AP3D1: variants seen among roughly 807,000 people sequenced by gnomAD.
AP3D1 encodes adaptor related protein complex 3 subunit delta 1.
A neutral mutation model predicts 147.6 loss-of-function variants in AP3D1; 51 were observed. The observed-to-expected ratio is 0.35, with a 90% CI of 0.28 to 0.44. The LOEUF is 0.44. AP3D1 is among the 20% of genes least tolerant of loss of function. The pLI is 1.00. For missense variants in AP3D1, 1,421 were observed against 1,624.2 expected (o/e 0.87, Z 2.15); for synonymous variants, 760 against 663.0 (o/e 1.15, Z -2.25).
At chr19:2,107,387 A>G (rs144094540) in intron 31 of AP3D1, among the ~76,000 whole-genome samples, 166 of 152,280 alleles carry the variant, frequency 1.1e-3, no homozygotes, top group African/African-American at 3.7e-3. Context: ...GGAAATCCTC[A>G]GTATGCTCCC....
At chr19:2,115,159 C>A in intron 20 of AP3D1, 60 bp downstream of exon 20, 1 of 1,536,788 alleles carries the variant, frequency 6.5e-7, no homozygotes, top group East Asian at 2.3e-5. Flanking sequence ...TGCATGGCCC[C>A]AGGACACACA....
intron 11 of AP3D1, among the ~76,000 whole-genome samples, chr19:2,122,352 C>A (rs1400307408): frequency 2.0e-5 from 3 of 152,210 alleles, no homozygotes; most frequent in African/African-American, 7.2e-5. Context: ...TAAGCCAGGG[C>A]CACCCCAGCC....
In AP3D1 at chr19:2,151,283, G is replaced by A. The variant is rs752770647; in HGVS notation, c.52C>T (p.Leu18=). 1.9e-6 allele frequency: 3 copies of A among 1,611,794 alleles called. No homozygotes were observed. In the African/African-American group the frequency reaches 4.0e-5, roughly 22 times the overall value. ...GSIDRMFDKN[L]QDLVRGIRNH... ...CGGATGCCGCGGACCAAGTCCTGCAGATTCTTGTCGAACATGCGGTCGATG... is the reference window on the plus strand; with the variant it reads ...CGGATGCCGCGGACCAAGTCCTGCAAATTCTTGTCGAACATGCGGTCGATG... Residue 18 remains leucine, a synonymous_variant, in exon 1 of 32, where the codon CTG becomes TTG. Coordinates refer to ENST00000643116, the MANE Select transcript of AP3D1 (RefSeq NM_001261826.3).
chr19:2,127,022 G>C (rs114668581), intron 9 of AP3D1, 130 bp downstream of exon 9: 27 of 989,222 alleles, frequency 2.7e-5, no homozygotes, highest in Non-Finnish European at 4.0e-5. Context: ...GGCCCCACCA[G>C]CCAGCTTTCC....
At chr19:2,104,688 T>TC (rs2018062680) in intron 31 of AP3D1, among the ~76,000 whole-genome samples, 1 of 150,518 alleles carries the variant, frequency 6.6e-6, no homozygotes, top group African/African-American at 2.5e-5. Context: ...TTTTTTTTTT[T>TC]TGGAGTCTCA....
At chr19:2,125,089 T>C (rs1429729888) in intron 9 of AP3D1, among the ~76,000 whole-genome samples, 1 of 152,174 alleles carries the variant, frequency 6.6e-6, no homozygotes, top group East Asian at 1.9e-4. Context: ...GCTAAAGAAC[T>C]GATCCCTGTA....
intron 24 of AP3D1, 130 bp from the exon 25 acceptor site, chr19:2,111,958 C>T (rs2018294391): frequency 5.6e-6 from 8 of 1,426,998 alleles, no homozygotes; most frequent in African/African-American, 1.4e-5. Flanking sequence ...ATGGCAGGAC[C>T]AGCCACGCCT....
At chr19:2,163,588 G>A (rs988628015) in intron 1 of AP3D1, among the ~76,000 whole-genome samples, 10 of 152,042 alleles carry the variant, frequency 6.6e-5, no homozygotes, top group Non-Finnish European at 1.3e-4. Flanking sequence ...CTTATGGGGG[G>A]AAATTCGGAT....
At chr19:2,134,982 T>C (rs2019040831) in intron 4 of AP3D1, among the ~76,000 whole-genome samples, 1 of 151,958 alleles carries the variant, frequency 6.6e-6, no homozygotes, top group Admixed American at 6.6e-5. Context: ...GCAGATCACC[T>C]GAGGTCAGGA....
In AP3D1 at chr19:2,100,999, G is replaced by T. The variant is rs1307178439; in HGVS notation, c.*1174C>A. ...GCAGAAGACCCATGTGGAAATGCCT[G>T]TTTTACAACTTTATTGGATCATCTT... On this transcript the variant is annotated 3_prime_UTR_variant, in exon 32 of 32. Transcript: ENST00000643116. The T allele has an allele frequency of 6.6e-6, 1 of 152,382 alleles. No homozygotes were observed. The highest frequency in any genetic ancestry group is 2.4e-5 in the African/African-American group (1 of 41,444). 9.4% of individuals were successfully genotyped at this position (152,382 alleles called of 1,614,324 possible). A position where few individuals can be genotyped will look rare whatever the true frequency, so the allele number is the denominator to read the frequency against.
intron 1 of AP3D1, among the ~76,000 whole-genome samples, chr19:2,149,543 CAA>C (rs34338190): frequency 1.1e-4 from 13 of 115,000 alleles, no homozygotes; most frequent in Admixed American, 1.8e-4. Flanking sequence ...AACTCCGTCT[CAA>C]AAAAAAAAAA....
At chr19:2,120,148 G>C (rs1296590113) in intron 14 of AP3D1, among the ~76,000 whole-genome samples, 4 of 152,150 alleles carry the variant, frequency 2.6e-5, no homozygotes, top group African/African-American at 9.7e-5. Flanking sequence ...AGGCAGTGAG[G>C]CATAGCAGCA....
At chr19:2,137,121 G>A in intron 3 of AP3D1, 30 bp from the exon 4 acceptor site, 20 of 1,550,924 alleles carry the variant, frequency 1.3e-5, no homozygotes, top group Non-Finnish European at 1.7e-5. Context: ...CACATCAGAG[G>A]CAGGACACCC....
rs747870177 is a variant in AP3D1, at chr19:2,114,840, C to T, written c.2350-19G>A. ...GAGCATTCTGACAGGAAGAGAGGAA[C>T]CCCATCACTGGAACCCGCCCTTGTG... On this transcript the variant is annotated intron_variant, in intron 20 of 31. Transcript: ENST00000643116. The T allele has an allele frequency of 1.4e-5, 22 of 1,613,574 alleles. No individual in the cohort carries two copies. In the South Asian group the frequency reaches 2.2e-4, roughly 16 times the overall value.
intron 1 of AP3D1, 51 bp from the exon 2 acceptor site, chr19:2,138,765 G>C (rs755856746): frequency 7.3e-7 from 1 of 1,369,598 alleles, no homozygotes; most frequent in Non-Finnish European, 1.0e-6. Context: ...TAAGAGGGCT[G>C]GAATAATGAT....
chr19:2,115,102 G>T (rs1477191542), intron 20 of AP3D1, 117 bp downstream of exon 20: 2 of 1,092,712 alleles, frequency 1.8e-6, no homozygotes, highest in Non-Finnish European at 2.6e-6. Flanking sequence ...TCTCCGGGGT[G>T]GGGCCTCATC....
At position 2,117,215 on chromosome 19, in the gene AP3D1, T is replaced by A; in HGVS notation, c.1859+7A>T. The A allele has an allele frequency of 6.2e-7, 1 of 1,601,036 alleles. No homozygotes were observed. Among genetic ancestry groups the A allele is most frequent in the Non-Finnish European group, 8.5e-7 (1 of 1,173,488 alleles). ...TGGTTGCAATGCCCCCACCCCCGTA[T>A]CCTTACCCTTCGGGGACTGGAACCT... On this transcript the variant is annotated splice_region_variant and intron_variant, in intron 16 of 31. Coordinates refer to ENST00000643116, the MANE Select transcript of AP3D1 (RefSeq NM_001261826.3).
In AP3D1 at chr19:2,102,411, C is replaced by G. The variant is rs60604006; in HGVS notation, c.3553-143G>C. On this transcript the variant is annotated intron_variant, in intron 31 of 31. Transcript: ENST00000643116. ...GAGTTCAAAACCAGCCTGGTCAACA[C>G]GGTGAAACCCTGTCTCTACTAAAAA... 2,025 of 654,928 alleles carry G rather than the reference C, an allele frequency of 3.1e-3. 29 individuals carry two copies. In the African/African-American group the frequency reaches 0.031, roughly 10 times the overall value. 40.6% of individuals were successfully genotyped at this position (654,928 alleles called of 1,614,324 possible).
At chr19:2,157,117 T>C (rs759618063) in intron 1 of AP3D1, among the ~76,000 whole-genome samples, 15 of 149,402 alleles carry the variant, frequency 1.0e-4, no homozygotes, top group Admixed American at 4.0e-4. Flanking sequence ...CATCCATCCA[T>C]CCACCCACCC....
Sources: gnomAD v4.1 joint callset for allele counts (sites outside exome capture counted in the v4.1 genomes callset) on GRCh38, gnomAD v4.1.1 for gene constraint, MANE v1.5 for transcripts, NCBI Gene and HGNC (gene_info 2026-07-23, HGNC 2026-07-21) for gene names.